GATB: variants seen among roughly 807,000 people sequenced by gnomAD.
GATB encodes glutamyl-tRNA(Gln) amidotransferase subunit B, mitochondrial.
A neutral mutation model predicts 62.3 loss-of-function variants in GATB; 39 were observed. The ratio of observed to expected loss-of-function variants is 0.63; its 90% confidence interval spans 0.48 to 0.82. The LOEUF (loss-of-function observed/expected upper bound fraction) is 0.82. Ranked by LOEUF, GATB falls within the 40% of genes least tolerant of loss-of-function variation. GATB has a pLI of 0.00. For missense variants in GATB, 670 were observed against 684.0 expected, an observed-to-expected ratio of 0.98 and a Z score of 0.23; for synonymous variants, 276 against 258.9, an observed-to-expected ratio of 1.07 and a Z score of -0.63.
intron 9 of GATB, among the ~76,000 whole-genome samples, chr4:151,697,953 GTATATATATATATATATATATATATA>G (rs56231389): frequency 2.7e-4 from 11 of 40,610 alleles, no homozygotes; most frequent in Non-Finnish European, 3.3e-4. Flanking sequence ...GTGTGTGTGT[GTATATATATATATATATATATATATA>G]TATATATATA....
At chr4:151,703,950 A>G (rs1578911331) in intron 7 of GATB, 55 bp from the exon 8 acceptor site, 3 of 1,285,618 alleles carry the variant, frequency 2.3e-6, no homozygotes, top group East Asian at 2.3e-5. Flanking sequence ...TGGCCAGCCT[A>G]TATGTGGGGA....
At chr4:151,719,153 A>C (rs6832872) in intron 3 of GATB, among the ~76,000 whole-genome samples, 1 of 152,132 alleles carries the variant, frequency 6.6e-6, no homozygotes, top group African/African-American at 2.4e-5. Flanking sequence ...CTGAGCCTGC[A>C]AACACTGGCT....
Position 151,671,255 on chromosome 4 carries a change from A to T in GATB, c.1593T>A (p.Ile531=), listed in dbSNP as rs1737852762. 1 of 1,613,828 alleles carries T rather than the reference A, an allele frequency of 6.2e-7. No homozygotes were observed. The highest frequency in any genetic ancestry group is 1.3e-5 in the African/African-American group (1 of 74,882). ...NRNPRAINKL[I]GLVRKATQSR... ...TTTGAGTCGCTTTCCGGACCAACCC[A>T]ATCAGTTTATTTATAGCTCTGGGGT... The change falls in exon 13 of 13, where the codon ATT becomes ATA. Residue 531 remains isoleucine, a synonymous_variant. Transcript: ENST00000263985.
At chr4:151,759,146 T>C (rs544739297) in intron 1 of GATB, among the ~76,000 whole-genome samples, 62 of 152,156 alleles carry the variant, frequency 4.1e-4, no homozygotes, top group Non-Finnish European at 7.5e-4. Context: ...ATTTACAACA[T>C]GGCATCAGGA....
intron 9 of GATB, among the ~76,000 whole-genome samples, chr4:151,693,478 T>C (rs1738408657): frequency 6.6e-6 from 1 of 151,092 alleles, no homozygotes; most frequent in African/African-American, 2.5e-5. Flanking sequence ...TAACTGGTGG[T>C]GTGAGGCTGG....
chr4:151,708,989 T>C (rs1295942747), intron 5 of GATB, among the ~76,000 whole-genome samples: 1 of 152,228 alleles, frequency 6.6e-6, no homozygotes, highest in Middle Eastern at 3.2e-3. Flanking sequence ...AGATTCTCTG[T>C]TCCTCGTTTC....
At chr4:151,680,147 A>C (rs1276924955) in intron 10 of GATB, among the ~76,000 whole-genome samples, 1 of 152,152 alleles carries the variant, frequency 6.6e-6, no homozygotes. Context: ...AAGTTGTAGC[A>C]ACAGACAACT....
chr4:151,693,677 T>G (rs535110914), intron 9 of GATB, among the ~76,000 whole-genome samples: 1 of 152,278 alleles, frequency 6.6e-6, no homozygotes, highest in Non-Finnish European at 1.5e-5. Flanking sequence ...CCCACAATTT[T>G]TATTCCTGGG....
intron 2 of GATB, among the ~76,000 whole-genome samples, chr4:151,727,165 C>T (rs1236533409): frequency 6.6e-6 from 1 of 152,202 alleles, no homozygotes; most frequent in East Asian, 1.9e-4. Flanking sequence ...AAGCGGTGTG[C>T]CCGCCTCAGC....
chr4:151,727,444 C>G (rs1283961848), intron 2 of GATB, among the ~76,000 whole-genome samples: 1 of 152,246 alleles, frequency 6.6e-6, no homozygotes, highest in Admixed American at 6.5e-5. Flanking sequence ...AAATCTCATA[C>G]TTGGCCAGTT....
intron 2 of GATB, among the ~76,000 whole-genome samples, chr4:151,728,471 G>C (rs1578926965): frequency 6.6e-6 from 1 of 152,290 alleles, no homozygotes; most frequent in Non-Finnish European, 1.5e-5. Flanking sequence ...AGTGAAGAAA[G>C]ATTTCTCCTA....
intron 5 of GATB, among the ~76,000 whole-genome samples, chr4:151,709,989 CTCT>C (rs1432155744): frequency 1.3e-5 from 2 of 152,172 alleles, no homozygotes; most frequent in African/African-American, 4.8e-5. Context: ...CACCAGCACG[CTCT>C]CTTTATCAGA....
chr4:151,692,644 C>T (rs551224672), intron 9 of GATB, among the ~76,000 whole-genome samples: 57 of 152,134 alleles, frequency 3.7e-4, no homozygotes, highest in Non-Finnish European at 2.9e-4. Context: ...GGATGGAGGG[C>T]GGCCAGAGCT....
intron 5 of GATB, among the ~76,000 whole-genome samples, chr4:151,711,252 C>T (rs1027905739): frequency 2.0e-5 from 3 of 152,226 alleles, no homozygotes; most frequent in African/African-American, 7.2e-5. Context: ...AATCCACTTC[C>T]CACAGAGCAG....
intron 2 of GATB, among the ~76,000 whole-genome samples, chr4:151,746,783 G>A (rs1267732305): frequency 6.6e-6 from 1 of 152,194 alleles, no homozygotes; most frequent in Non-Finnish European, 1.5e-5. Flanking sequence ...GACAGCAGGT[G>A]TGCTCCAGAC....
chr4:151,696,767 T>C (rs1344839628), intron 9 of GATB, among the ~76,000 whole-genome samples: 1 of 152,216 alleles, frequency 6.6e-6, no homozygotes, highest in Non-Finnish European at 1.5e-5. Flanking sequence ...CTGAGTGAAG[T>C]AAAGCACAGA....
intron 2 of GATB, among the ~76,000 whole-genome samples, chr4:151,748,153 G>GA (rs1001480580): frequency 6.6e-6 from 1 of 152,086 alleles, no homozygotes; most frequent in Non-Finnish European, 1.5e-5. Flanking sequence ...CATAGAACTG[G>GA]AAAAAACTAC....
intron 3 of GATB, 79 bp from the exon 4 acceptor site, chr4:151,717,153 T>G: frequency 7.3e-7 from 1 of 1,363,408 alleles, no homozygotes; most frequent in South Asian, 1.2e-5. Flanking sequence ...CCTTTTACAA[T>G]GTCACACAAC....
intron 9 of GATB, among the ~76,000 whole-genome samples, chr4:151,690,507 C>T (rs1738342478): frequency 1.3e-5 from 2 of 152,250 alleles, no homozygotes; most frequent in South Asian, 2.1e-4. Flanking sequence ...AAACTGCTAT[C>T]TGGCCCAAAT....
Sources: allele counts gnomAD v4.1 joint callset (sites outside exome capture counted in the v4.1 genomes callset), GRCh38; gene constraint gnomAD v4.1.1; transcripts MANE v1.5; gene names NCBI Gene and HGNC (gene_info 2026-07-23, HGNC 2026-07-21).